Variants in NME7 observed in about 807,000 individuals in gnomAD.
NME7 encodes the protein nucleoside diphosphate kinase 7.
In NME7, 41 loss-of-function variants were observed where a neutral mutation model predicts 49.1. The observed-to-expected ratio is 0.83, with a 90% CI of 0.65 to 1.08. The LOEUF (loss-of-function observed/expected upper bound fraction) is 1.08, where lower values mean the gene tolerates loss of function less well. Among genes scored for constraint, NME7 ranks in the 50% least tolerant of loss-of-function variants. The probability of loss-of-function intolerance (pLI) is 0.00; values close to 1 mark genes in which losing one functional copy is unlikely to be tolerated. For synonymous variants in NME7, 139 were observed against 150.6 expected (o/e 0.92, Z 0.56); for missense variants, 423 against 463.4 (o/e 0.91, Z 0.80).
intron 9 of NME7, among the ~76,000 whole-genome samples, chr1:169,232,556 TG>T (rs71121745): frequency 0.44 from 61,457 of 140,760 alleles, 12,970 homozygotes; most frequent in Non-Finnish European, 0.48. Context: ...GCCAGGGTGT[TG>T]GGGGGGGGGC....
chr1:169,173,231 T>C (rs1659654902), intron 10 of NME7, among the ~76,000 whole-genome samples: 1 of 152,174 alleles, frequency 6.6e-6, no homozygotes, highest in Non-Finnish European at 1.5e-5. Context: ...AAGACAATTC[T>C]TAAAGAGACA....
At chr1:169,235,999 T>TTTA (rs1387514769) in intron 8 of NME7, among the ~76,000 whole-genome samples, 1 of 152,104 alleles carries the variant, frequency 6.6e-6, no homozygotes, top group East Asian at 1.9e-4. Context: ...ATTTTGCTTG[T>TTTA]TTATTGTTGC....
Position 169,141,771 on chromosome 1 carries a change from C to T in NME7, c.1099-8954G>A, listed in dbSNP as rs61803318. On this transcript the variant is annotated intron_variant, in intron 11 of 11. Coordinates refer to ENST00000367811, the MANE Select transcript of NME7 (RefSeq NM_013330.5). ...TGGAATGCCTTTTTTTTTATAAGGA[C>T]AGATGAGAAAAGTGAAAAAGCTCTT... Among the ~76,000 whole-genome samples, 791 of 151,508 alleles carry T rather than the reference C, an allele frequency of 5.2e-3. 5 individuals are homozygous for T. Among genetic ancestry groups the T allele is most frequent in the Middle Eastern group, 0.01 (3 of 294 alleles).
In NME7 at chr1:169,228,654, G is replaced by A. The variant is rs550570789; in HGVS notation, c.990+2064C>T. On this transcript the variant is annotated intron_variant, in intron 10 of 11. Transcript: ENST00000367811. ...ATTGCGCCACTGCAGTCCGCAGTCC[G>A]GCCTGGGCGACAGAGCGAGACTCCG... Among the ~76,000 whole-genome samples, 49 of 147,190 alleles carry A rather than the reference G, an allele frequency of 3.3e-4. No individual in the cohort carries two copies. The East Asian group carries it at 6.9e-3, about 21-fold the overall frequency.
At chr1:169,275,478 CAAA>C (rs57449323) in intron 7 of NME7, among the ~76,000 whole-genome samples, 2 of 29,870 alleles carry the variant, frequency 6.7e-5, no homozygotes, top group Non-Finnish European at 1.0e-4. Context: ...AACTCCGTCT[CAAA>C]AAAAAAAAAA....
At chr1:169,211,414 T>C (rs1660814115) in intron 10 of NME7, among the ~76,000 whole-genome samples, 1 of 152,194 alleles carries the variant, frequency 6.6e-6, no homozygotes, top group Non-Finnish European at 1.5e-5. Context: ...CTATCCATAA[T>C]ACAAGTAATC....
At chr1:169,329,747 GA>G (rs1233094532) in intron 1 of NME7, among the ~76,000 whole-genome samples, 1 of 152,116 alleles carries the variant, frequency 6.6e-6, no homozygotes, top group African/African-American at 2.4e-5. Flanking sequence ...AAGAAGTAGA[GA>G]AAGAGATAGG....
chr1:169,243,101 A>T (rs1245778704), intron 7 of NME7, among the ~76,000 whole-genome samples: 1 of 152,174 alleles, frequency 6.6e-6, no homozygotes, highest in Admixed American at 6.5e-5. Flanking sequence ...ACAATTTCAA[A>T]AAAGAAAAAT....
In NME7 at chr1:169,248,360, G is replaced by T. The variant is rs186663952; in HGVS notation, c.755-10673C>A. On this transcript the variant is annotated intron_variant, in intron 7 of 11. Transcript: ENST00000367811. ...TCTTGTTGATGTACTTGAGTTCATT[G>T]TAGATTCTAGATATTAGTCCTTTGC... is the stretch of plus-strand genomic sequence containing the variant. 3.3e-5 allele frequency among the ~76,000 whole-genome samples: 5 copies of T among 151,754 alleles called. No individual in the cohort carries two copies. The East Asian group carries it at 9.7e-4, about 29-fold the overall frequency.
Position 169,140,775 on chromosome 1 carries a change from A to G in NME7, c.1099-7958T>C, listed in dbSNP as rs149735471. Among the ~76,000 whole-genome samples the G allele has an allele frequency of 4.3e-4, 65 of 152,082 alleles. 1 individual carries two copies. In the East Asian group the frequency reaches 0.012, roughly 28 times the overall value. ...AATAAAAGAAATTGTAGATATAAAG[A>G]CCAGTTCTCAAGATTGGTGATTTTC... On this transcript the variant is annotated intron_variant, in intron 11 of 11. Coordinates refer to ENST00000367811, the MANE Select transcript of NME7 (RefSeq NM_013330.5).
chr1:169,323,316 C>CA, intron 2 of NME7, 33 bp from the exon 3 acceptor site: 2 of 1,438,894 alleles, frequency 1.4e-6, no homozygotes, highest in Admixed American at 2.6e-5. Flanking sequence ...AACAAACAAA[C>CA]AAAAAAAGTT....
chr1:169,284,948 G>A (rs1422385552), intron 7 of NME7: 1 of 152,064 alleles, frequency 6.6e-6, no homozygotes, highest in Non-Finnish European at 1.5e-5. Context: ...AAACATTTTA[G>A]GGTGTCAAGG....
chr1:169,355,698 A>G (rs1248428881), intron 1 of NME7, among the ~76,000 whole-genome samples: 1 of 151,998 alleles, frequency 6.6e-6, no homozygotes, highest in East Asian at 1.9e-4. Context: ...CTCCACTCAT[A>G]TGTCAGCAAT....
intron 7 of NME7, among the ~76,000 whole-genome samples, chr1:169,246,829 T>C (rs1236482061): frequency 6.6e-6 from 1 of 152,220 alleles, no homozygotes; most frequent in Non-Finnish European, 1.5e-5. Context: ...TCTTCCCACC[T>C]GAGCCTCCCA....
chr1:169,148,842 AG>A (rs1298550447), intron 11 of NME7, among the ~76,000 whole-genome samples: 2 of 152,238 alleles, frequency 1.3e-5, no homozygotes, highest in African/African-American at 4.8e-5. Context: ...CAGGTTAAAA[AG>A]GGCACTTTGT....
chr1:169,230,187 C>T (rs6703463), intron 10 of NME7, among the ~76,000 whole-genome samples: 57,251 of 151,718 alleles, frequency 0.38, 11,498 homozygotes, highest in East Asian at 0.79. Context: ...TACTTGTCAC[C>T]CCCCTACACC....
chr1:169,321,600 A>G (rs1452730019), intron 3 of NME7, among the ~76,000 whole-genome samples: 1 of 152,172 alleles, frequency 6.6e-6, no homozygotes, highest in East Asian at 1.9e-4. Context: ...TCCTATTTCA[A>G]AGAGAGTCTT....
intron 7 of NME7, among the ~76,000 whole-genome samples, chr1:169,240,558 T>C (rs536752043): frequency 6.6e-6 from 1 of 151,980 alleles, no homozygotes; most frequent in Non-Finnish European, 1.5e-5. Context: ...TCAATAAACT[T>C]TTTTTTACCC....
intron 10 of NME7, among the ~76,000 whole-genome samples, chr1:169,229,398 A>T (rs556549995): frequency 6.6e-6 from 1 of 152,150 alleles, no homozygotes; most frequent in African/African-American, 2.4e-5. Context: ...ACCCCTGCTT[A>T]TATCTCTCTT....
Sources: gnomAD v4.1 joint callset for allele counts (sites outside exome capture counted in the v4.1 genomes callset) on GRCh38, gnomAD v4.1.1 for gene constraint, MANE v1.5 for transcripts, NCBI Gene and HGNC (gene_info 2026-07-23, HGNC 2026-07-21) for gene names.